Variants in ZFHX3 observed in about 807,000 individuals in gnomAD.
ZFHX3 encodes the protein zinc finger homeobox protein 3.
A neutral mutation model predicts 279.1 loss-of-function variants in ZFHX3; 42 were observed. That is an observed-to-expected ratio of 0.15 (90% CI 0.12 to 0.19). ZFHX3 has a LOEUF of 0.19. Ranked by LOEUF, ZFHX3 falls within the 10% of genes least tolerant of loss-of-function variation. The probability of loss-of-function intolerance (pLI) is 1.00; values close to 1 mark genes in which losing one functional copy is unlikely to be tolerated. For missense variants in ZFHX3, 4,981 were observed against 4,754.0 expected, an observed-to-expected ratio of 1.05 and a Z score of -1.40; for synonymous variants, 2,293 against 1,957.8, an observed-to-expected ratio of 1.17 and a Z score of -4.52.
intron 1 of ZFHX3, among the ~76,000 whole-genome samples, chr16:73,761,009 A>G (rs2386714): frequency 3.1e-4 from 45 of 144,880 alleles, no homozygotes; most frequent in African/African-American, 1.1e-3. Context: ...AAAAAAAAAA[A>G]AGGGTATTAA....
chr16:73,727,235 T>G (rs2639315), intron 1 of ZFHX3, among the ~76,000 whole-genome samples: 133,709 of 152,240 alleles, frequency 0.88, 59,619 homozygotes, highest in Non-Finnish European at 0.95. Flanking sequence ...GCTGCACAAC[T>G]GGGGCCCCCC....
intron 3 of ZFHX3, among the ~76,000 whole-genome samples, chr16:73,438,894 C>T (rs994572006): frequency 2.0e-5 from 3 of 152,126 alleles, no homozygotes; most frequent in African/African-American, 4.8e-5. Context: ...GCAAGAGAAG[C>T]GACAGCCAGG....
chr16:73,400,994 T>C (rs1040868036), intron 3 of ZFHX3: 1 of 152,276 alleles, frequency 6.6e-6, no homozygotes, highest in South Asian at 2.1e-4. Flanking sequence ...GCCAGGTCTG[T>C]CTGGCTCCGG....
intron 4 of ZFHX3, among the ~76,000 whole-genome samples, chr16:73,288,035 C>T (rs1247740486): frequency 2.0e-5 from 3 of 152,184 alleles, no homozygotes; most frequent in East Asian, 1.9e-4. Context: ...TCTGGGCCGG[C>T]GGAGATGGAC....
At chr16:72,856,863 T>G (rs2037766204) in intron 4 of ZFHX3, among the ~76,000 whole-genome samples, 1 of 152,110 alleles carries the variant, frequency 6.6e-6, no homozygotes, top group African/African-American at 2.4e-5. Flanking sequence ...GCCTGGCTTA[T>G]AAATACAGAC....
At chr16:73,822,318 G>A (rs1960769684) in intron 1 of ZFHX3, among the ~76,000 whole-genome samples, 1 of 152,160 alleles carries the variant, frequency 6.6e-6, no homozygotes, top group Non-Finnish European at 1.5e-5. Context: ...GGAAAGGCAC[G>A]ATAGTTCAGT....
chr16:73,389,759 C>T (rs909525503), intron 3 of ZFHX3, among the ~76,000 whole-genome samples: 2 of 152,214 alleles, frequency 1.3e-5, no homozygotes, highest in African/African-American at 4.8e-5. Flanking sequence ...AAAAGGGGGA[C>T]GATCCTTTTT....
chr16:73,506,548 A>C (rs1005864040), intron 2 of ZFHX3, among the ~76,000 whole-genome samples: 1 of 152,210 alleles, frequency 6.6e-6, no homozygotes, highest in Non-Finnish European at 1.5e-5. Context: ...TCTACTCTGT[A>C]AGACCAGAGC....
intron 1 of ZFHX3, among the ~76,000 whole-genome samples, chr16:73,847,184 G>T (rs1479538323): frequency 6.6e-6 from 1 of 152,066 alleles, no homozygotes; most frequent in Admixed American, 6.5e-5. Flanking sequence ...GCCTGCAATC[G>T]CAGCTACTCA....
intron 2 of ZFHX3, among the ~76,000 whole-genome samples, chr16:73,538,208 C>A (rs770404882): frequency 1.5e-4 from 23 of 152,128 alleles, no homozygotes; most frequent in Non-Finnish European, 2.1e-4. Flanking sequence ...TGTTTTTTAA[C>A]ACTAGTCAGC....
intron 3 of ZFHX3, among the ~76,000 whole-genome samples, chr16:73,386,115 T>A (rs17370183): frequency 6.6e-6 from 1 of 151,992 alleles, no homozygotes; most frequent in South Asian, 2.1e-4. Context: ...CACCATTCCA[T>A]GTTCTCTTAG....
At chr16:73,384,882 C>A (rs1006708386) in intron 3 of ZFHX3, among the ~76,000 whole-genome samples, 1 of 152,174 alleles carries the variant, frequency 6.6e-6, no homozygotes, top group African/African-American at 2.4e-5. Context: ...CCAGGCTCAG[C>A]CCAATCAGCA....
chr16:72,927,350 A>C (rs189098420), intron 3 of ZFHX3, among the ~76,000 whole-genome samples: 210 of 152,212 alleles, frequency 1.4e-3, no homozygotes, highest in African/African-American at 4.9e-3. Context: ...TCTTTCCTTA[A>C]CAATCCTCCC....
At chr16:72,865,288 G>GGAAAA (rs2037988676) in intron 4 of ZFHX3, among the ~76,000 whole-genome samples, 1 of 152,206 alleles carries the variant, frequency 6.6e-6, no homozygotes. Flanking sequence ...GAGACCAATG[G>GGAAAA]GAAAAGGGCT....
chr16:72,920,329 C>A (rs1177739525), intron 3 of ZFHX3, among the ~76,000 whole-genome samples: 1 of 152,114 alleles, frequency 6.6e-6, no homozygotes, highest in African/African-American at 2.4e-5. Context: ...TACACACAGC[C>A]ACCAACAGGG....
At chr16:72,940,185 C>T (rs571639444) in intron 3 of ZFHX3, among the ~76,000 whole-genome samples, 1 of 152,286 alleles carries the variant, frequency 6.6e-6, no homozygotes, top group East Asian at 1.9e-4. Context: ...GTTGAGTTTA[C>T]AGGTGTGAGC....
chr16:73,377,011 GC>G (rs2016734935), intron 3 of ZFHX3, among the ~76,000 whole-genome samples: 1 of 128,486 alleles, frequency 7.8e-6, no homozygotes. Flanking sequence ...TCACTCTGTT[GC>G]CCAGTCTGGA....
chr16:73,048,706 G>T (rs1439085385), upstream of ZFHX3, among the ~76,000 whole-genome samples: 1 of 152,258 alleles, frequency 6.6e-6, no homozygotes, highest in Non-Finnish European at 1.5e-5. Flanking sequence ...AGGAGCCAAT[G>T]TGGACAGGAA....
At chr16:73,473,048 G>T (rs1251759257) in intron 2 of ZFHX3, among the ~76,000 whole-genome samples, 1 of 150,912 alleles carries the variant, frequency 6.6e-6, no homozygotes, top group Non-Finnish European at 1.5e-5. Flanking sequence ...AGATGTATCA[G>T]GTATAAGATG....
Sources: gnomAD v4.1 joint callset for allele counts (sites outside exome capture counted in the v4.1 genomes callset) on GRCh38, gnomAD v4.1.1 for gene constraint, MANE v1.5 for transcripts, NCBI Gene and HGNC (gene_info 2026-07-23, HGNC 2026-07-21) for gene names.